Variants in MED13L observed in about 807,000 individuals in gnomAD.
MED13L encodes mediator complex subunit 13L.
MED13L carries 7 observed loss-of-function variants against 220.9 expected under a neutral mutation model. The observed-to-expected ratio is 0.03, with a 90% confidence interval of 0.02 to 0.06. The LOEUF (loss-of-function observed/expected upper bound fraction) is 0.06. Ranked by LOEUF, MED13L falls within the 10% of genes least tolerant of loss-of-function variation. The pLI is 1.00. For missense variants in MED13L, 1,965 were observed against 2,760.5 expected (o/e 0.71, Z 6.46); for synonymous variants, 1,011 against 1,015.2 (o/e 1.00, Z 0.08).
chr12:116,174,865 A>C (rs1421201317), intron 2 of MED13L: 2 of 152,296 alleles, frequency 1.3e-5, no homozygotes, highest in Admixed American at 1.3e-4. Context: ...CAGGAGTTGG[A>C]GACCAGCCTG....
At chr12:115,971,150 CAT>C (rs1876554766) in intron 26 of MED13L, among the ~76,000 whole-genome samples, 1 of 152,184 alleles carries the variant, frequency 6.6e-6, no homozygotes, top group African/African-American at 2.4e-5. Context: ...AAAATCAATA[CAT>C]GTTATAACAC....
chr12:116,129,076 T>C (rs1283144963), intron 2 of MED13L, among the ~76,000 whole-genome samples: 2 of 152,226 alleles, frequency 1.3e-5, no homozygotes, highest in East Asian at 1.9e-4. Context: ...CTCTGGCTTA[T>C]TCATACACCA....
At chr12:116,249,650 C>A (rs1005291631) in intron 1 of MED13L, among the ~76,000 whole-genome samples, 3 of 125,624 alleles carry the variant, frequency 2.4e-5, no homozygotes, top group East Asian at 2.5e-4. Context: ...ATTTTTTTAA[C>A]TAAGTAAAAT....
intron 2 of MED13L, among the ~76,000 whole-genome samples, chr12:116,186,196 C>A (rs1005986196): frequency 6.6e-6 from 1 of 152,166 alleles, no homozygotes; most frequent in Non-Finnish European, 1.5e-5. Flanking sequence ...ATAATTATTG[C>A]ATAAAACATC....
chr12:116,001,231 C>T (rs927276219), intron 14 of MED13L, among the ~76,000 whole-genome samples: 2 of 152,130 alleles, frequency 1.3e-5, no homozygotes, highest in Non-Finnish European at 2.9e-5. Context: ...GAGTCTTGCT[C>T]TGTCGCCGAG....
chr12:116,142,925 T>C (rs933114538), intron 2 of MED13L, among the ~76,000 whole-genome samples: 5 of 152,206 alleles, frequency 3.3e-5, no homozygotes, highest in African/African-American at 1.2e-4. Context: ...ACCAAGCTCT[T>C]GCTTATATTC....
rs570695298 is a variant in MED13L at position 116,060,385 on chromosome 12, C to T, written c.479+36284G>A. On this transcript the variant is annotated intron_variant, in intron 4 of 30. Transcript: ENST00000281928. The stretch of plus-strand genomic sequence containing the variant: ...TTGAGGTCAGGAGTTTGAGACCAGC[C>T]TGGGCAACACGGTAAAACCCCGTCT... Among the ~76,000 whole-genome samples, 7 of 151,990 alleles carry T rather than the reference C, an allele frequency of 4.6e-5. 1 individual carries two copies. The South Asian group carries it at 1.2e-3, about 27-fold the overall frequency.
At chr12:116,113,038 A>T (rs1272830258) in intron 2 of MED13L, among the ~76,000 whole-genome samples, 1 of 152,234 alleles carries the variant, frequency 6.6e-6, no homozygotes, top group African/African-American at 2.4e-5. Flanking sequence ...GCTCCTTTAA[A>T]CTTATTGAGT....
At chr12:116,119,812 A>T (rs1197458320) in intron 2 of MED13L, among the ~76,000 whole-genome samples, 6 of 30,918 alleles carry the variant, frequency 1.9e-4, no homozygotes, top group East Asian at 1.9e-3. Context: ...ATATCTTTAA[A>T]AAAAAAAAAA....
intron 14 of MED13L, 99 bp from the exon 15 acceptor site, chr12:115,997,329 A>AATTAAAT (rs1308434513): frequency 1.1e-6 from 1 of 890,248 alleles, no homozygotes; most frequent in Non-Finnish European, 1.8e-6. Context: ...AAATAGTGCT[A>AATTAAAT]ATTAAATGAT....
At chr12:116,172,088 C>G (rs747126248) in intron 2 of MED13L, among the ~76,000 whole-genome samples, 5 of 152,180 alleles carry the variant, frequency 3.3e-5, no homozygotes, top group Non-Finnish European at 5.9e-5. Context: ...TGACCTAAAA[C>G]TGCAGCTCAT....
At chr12:116,113,636 G>A (rs998449232) in intron 2 of MED13L, among the ~76,000 whole-genome samples, 1 of 148,286 alleles carries the variant, frequency 6.7e-6, no homozygotes, top group African/African-American at 2.5e-5. Flanking sequence ...TCCAGCCTGC[G>A]TGACAGAGTG....
chr12:116,166,604 A>C (rs1414052057), intron 2 of MED13L, among the ~76,000 whole-genome samples: 9 of 152,092 alleles, frequency 5.9e-5, no homozygotes. Context: ...ATAAATAAAC[A>C]AACCATTTTT....
intron 4 of MED13L, among the ~76,000 whole-genome samples, chr12:116,064,170 A>G (rs1445000885): frequency 1.3e-5 from 2 of 152,130 alleles, no homozygotes; most frequent in Non-Finnish European, 1.5e-5. Flanking sequence ...GTGACAGAAC[A>G]AGACCCCGTC....
intron 2 of MED13L, among the ~76,000 whole-genome samples, chr12:116,128,559 T>TA (rs1470019950): frequency 3.3e-5 from 5 of 152,190 alleles, no homozygotes; most frequent in African/African-American, 1.2e-4. Context: ...CAGGCAACTT[T>TA]AACTTATAAA....
At chr12:116,174,419 T>G (rs536016758) in intron 2 of MED13L, 1 of 151,942 alleles carries the variant, frequency 6.6e-6, no homozygotes, top group East Asian at 1.9e-4. Context: ...CTATCCATTT[T>G]CTATGTAAAA....
At chr12:116,178,017 C>T (rs532496337) in intron 2 of MED13L, among the ~76,000 whole-genome samples, 125 of 152,128 alleles carry the variant, frequency 8.2e-4, no homozygotes, top group African/African-American at 2.9e-3. Context: ...CCCAATACCC[C>T]GCTTTTTTGT....
intron 1 of MED13L, among the ~76,000 whole-genome samples, chr12:116,256,452 G>A (rs1872052876): frequency 6.6e-6 from 1 of 152,038 alleles, no homozygotes; most frequent in African/African-American, 2.4e-5. Context: ...AGGGGCAAGG[G>A]GGAGACCCTG....
At chr12:116,042,173 G>A (rs1453535591) in intron 4 of MED13L, among the ~76,000 whole-genome samples, 1 of 152,206 alleles carries the variant, frequency 6.6e-6, no homozygotes, top group Non-Finnish European at 1.5e-5. Flanking sequence ...AGGCACACCA[G>A]CCAAGTACCA....
Sources: gnomAD v4.1 joint callset for allele counts (sites outside exome capture counted in the v4.1 genomes callset) on GRCh38, gnomAD v4.1.1 for gene constraint, MANE v1.5 for transcripts, NCBI Gene and HGNC (gene_info 2026-07-23, HGNC 2026-07-21) for gene names.